The following SSBP4 variants were observed in gnomAD, a reference collection of about 807,000 sequenced individuals.
SSBP4 encodes the protein single-stranded DNA-binding protein 4.
SSBP4 carries 33 observed loss-of-function variants against 64.6 expected under a neutral mutation model. The observed-to-expected ratio is 0.51, with a 90% CI of 0.39 to 0.68. SSBP4 has a LOEUF of 0.68. Ranked by LOEUF, SSBP4 falls within the 30% of genes least tolerant of loss-of-function variation. The probability of loss-of-function intolerance (pLI) is 0.00; values close to 1 mark genes in which losing one functional copy is unlikely to be tolerated. For synonymous variants in SSBP4, 243 were observed against 224.0 expected (o/e 1.08, Z -0.76); for missense variants, 583 against 566.8 (o/e 1.03, Z -0.29).
At position 18,431,800 on chromosome 19, in the gene SSBP4, C is replaced by A; in HGVS notation, c.503C>A (p.Ala168Glu). Reference protein sequence around the residue: ...PTLRMPSQPPAGLPGSQPLLP... With the variant: ...PTLRMPSQPPEGLPGSQPLLP... ...GCCGCACCCCCTCCGCAGCCTCCCG[C>A]AGGCCTCCCTGGCTCCCAGCCCCTC... is the stretch of plus-strand genomic sequence containing the variant. The change falls in exon 8 of 18, where the codon GCA (alanine) becomes GAA (glutamate). Residue 168 changes from alanine (A) to glutamate (E), a missense_variant. Coordinates refer to ENST00000270061, the MANE Select transcript of SSBP4 (RefSeq NM_032627.5). 2 of 1,559,288 alleles carry A rather than the reference C, an allele frequency of 1.3e-6. No individual in the cohort carries two copies. The highest frequency in any genetic ancestry group is 2.3e-5 in the South Asian group (2 of 85,314).
intron 15 of SSBP4, 67 bp from the exon 16 acceptor site, chr19:18,433,518 C>T (rs531870471): frequency 1.8e-5 from 28 of 1,539,702 alleles, no homozygotes; most frequent in South Asian, 7.2e-5. Flanking sequence ...GGTCGTTGGC[C>T]CCTGGAGGCC....
chr19:18,421,231 C>T (rs1281721927), intron 1 of SSBP4, among the ~76,000 whole-genome samples: 2 of 152,228 alleles, frequency 1.3e-5, no homozygotes, highest in Admixed American at 6.5e-5. Context: ...AGGTGGTAGG[C>T]AAATGACTGC....
chr19:18,433,050 G>T lies in SSBP4; in HGVS notation c.912+7G>T, dbSNP rs367852021. The T allele has an allele frequency of 1.9e-6, 3 of 1,613,906 alleles. No individual in the cohort carries two copies. Among genetic ancestry groups the T allele is most frequent in the Non-Finnish European group, 1.7e-6 (2 of 1,180,008 alleles). On this transcript the variant is annotated splice_region_variant and intron_variant, in intron 14 of 17. Transcript: ENST00000270061. Reference sequence around the variant, plus strand: ...GGGCGCCGGCAGGGCTAATGTGAGTGGGGGCTTGCAGGGGTGCTTCTCGAG... The same window carrying T: ...GGGCGCCGGCAGGGCTAATGTGAGTTGGGGCTTGCAGGGGTGCTTCTCGAG...
rs1230779179 is a variant in SSBP4 at position 18,433,052 on chromosome 19, G to A, written c.912+9G>A. ...GCGCCGGCAGGGCTAATGTGAGTGG[G>A]GGCTTGCAGGGGTGCTTCTCGAGGC... On this transcript the variant is annotated intron_variant, in intron 14 of 17. Transcript: ENST00000270061. 9 of 1,614,004 alleles carry A rather than the reference G, an allele frequency of 5.6e-6. No homozygotes were observed. Among genetic ancestry groups the A allele is most frequent in the Non-Finnish European group, 6.8e-6 (8 of 1,180,006 alleles).
In SSBP4 at chr19:18,427,161, G is replaced by A. The variant is rs527616215; in HGVS notation, c.60-190G>A. On this transcript the variant is annotated intron_variant, in intron 1 of 17. Coordinates refer to ENST00000270061, the MANE Select transcript of SSBP4 (RefSeq NM_032627.5). The surrounding 1 kb of genome is among the most constrained non-coding windows in gnomAD (Gnocchi z 4.4). The stretch of plus-strand genomic sequence containing the variant: ...GGGAGCGTGGAACACAGCCGAATTC[G>A]GCCCGGAATTGGGGGTCACGGATGC... Among the ~76,000 whole-genome samples, 9 of 152,268 alleles carry A rather than the reference G, an allele frequency of 5.9e-5. No individual in the cohort carries two copies. The highest frequency in any genetic ancestry group is 2.6e-4 in the Admixed American group (4 of 15,306).
In SSBP4 at chr19:18,433,811, C is replaced by G. The variant is rs1388934262; in HGVS notation, c.1122C>G (p.Ser374Arg). 1 of 1,434,082 alleles carries G rather than the reference C, an allele frequency of 7.0e-7. No individual in the cohort carries two copies. The highest frequency in any genetic ancestry group is 9.1e-7 in the Non-Finnish European group (1 of 1,097,638). The allele number at this position is 1,434,082 out of a possible 1,614,324, so 88.8% of individuals were successfully genotyped here. The change falls in exon 17 of 18, where the codon AGC becomes AGG. Residue 374 changes from serine to arginine, a missense_variant. Ser to Arg is a moderately radical substitution (Grantham distance 110). Transcript: ENST00000270061. ...AAGTFLHPFP[S>R]ESYSPGMTMS... ...GGACCTTCCTGCACCCGTTCCCGAG[C>G]GAAAGCGTAAGCGACTGCGTCGACT...
chr19:18,429,500 C>T (rs1002563846), intron 4 of SSBP4, among the ~76,000 whole-genome samples: 7 of 151,332 alleles, frequency 4.6e-5, no homozygotes, highest in African/African-American at 1.7e-4. Flanking sequence ...GCGTCCCCGA[C>T]CAGGAAACGC....
chr19:18,432,106 C>A, intron 9 of SSBP4, 36 bp downstream of exon 9: 1 of 1,605,046 alleles, frequency 6.2e-7, no homozygotes, highest in Non-Finnish European at 8.5e-7. Flanking sequence ...GGCCTTCGGG[C>A]TGTCCCCGGT....
chr19:18,429,341 G>T (rs969792744), intron 4 of SSBP4, among the ~76,000 whole-genome samples: 1 of 152,068 alleles, frequency 6.6e-6, no homozygotes, highest in Non-Finnish European at 1.5e-5. Context: ...TGGCAACGCG[G>T]GCCGGGCCGG....
At chr19:18,431,496 G>A (rs1973377957) in intron 6 of SSBP4, 78 bp downstream of exon 6, 1 of 1,203,610 alleles carries the variant, frequency 8.3e-7, no homozygotes, top group Admixed American at 2.7e-5. Context: ...CTCAAGCCAT[G>A]AGGTCCTGGC....
At chr19:18,424,867 G>A (rs1040211243) in intron 1 of SSBP4, among the ~76,000 whole-genome samples, 1 of 151,642 alleles carries the variant, frequency 6.6e-6, no homozygotes, top group Non-Finnish European at 1.5e-5. Flanking sequence ...TGAGCAGGGA[G>A]GGGGAGAATG....
intron 5 of SSBP4, 34 bp downstream of exon 5, chr19:18,430,964 C>T: frequency 2.5e-6 from 4 of 1,605,358 alleles, no homozygotes; most frequent in Non-Finnish European, 3.4e-6. Flanking sequence ...TGGCCCCCAA[C>T]TCTGGCTGAA....
At chr19:18,433,297 T>G (rs1973627934) in intron 15 of SSBP4, 84 bp downstream of exon 15, 1 of 1,496,116 alleles carries the variant, frequency 6.7e-7, no homozygotes, top group Admixed American at 2.0e-5. Context: ...TCAGCCCGCC[T>G]GCCGGGTGGA....
Position 18,431,663 on chromosome 19 carries a change from G to T in SSBP4, c.452G>T (p.Arg151Leu). ...CTCTTCCAGCCCTTCATGTCACCGC[G>T]CTTCCCAGGGGGCCCCCGGCCCACC... ...GPHGQPFMSP[R>L]FPGGPRPTLR... Residue 151 changes from arginine (R) to leucine (L), a missense_variant, in exon 7 of 18, where the codon CGC becomes CTC. Arg to Leu is a moderately radical substitution (Grantham distance 102). Coordinates refer to ENST00000270061, the MANE Select transcript of SSBP4 (RefSeq NM_032627.5). 6.4e-7 allele frequency: 1 copy of T among 1,552,426 alleles called. No individual in the cohort carries two copies. Among genetic ancestry groups the T allele is most frequent in the Non-Finnish European group, 8.7e-7 (1 of 1,148,458 alleles).
At chr19:18,433,996 C>G (rs1973774475) in intron 17 of SSBP4, 179 bp downstream of exon 17, 1 of 1,218,264 alleles carries the variant, frequency 8.2e-7, no homozygotes, top group Non-Finnish European at 1.0e-6. Context: ...CACCACCTCC[C>G]GCTCCTATTT....
intron 6 of SSBP4, 25 bp downstream of exon 6, chr19:18,431,443 T>C: frequency 7.4e-7 from 1 of 1,342,320 alleles, no homozygotes; most frequent in South Asian, 1.3e-5. Flanking sequence ...TGCCTGCCCC[T>C]CACACACACA....
rs1214211894 is a variant in SSBP4 at position 18,434,202 on chromosome 19, C to T, written c.1129-15C>T. The T allele has an allele frequency of 6.2e-7, 1 of 1,611,462 alleles. No individual in the cohort carries two copies. The highest frequency in any genetic ancestry group is 1.3e-5 in the African/African-American group (1 of 74,846). On this transcript the variant is annotated splice_polypyrimidine_tract_variant and intron_variant, in intron 17 of 17. Transcript: ENST00000270061. ...GAACTCGGCCCCTGCGCGCTGCCCC[C>T]TCCTCTCTCCGCAGTACTCGCCAGG...
rs561368858 is a variant in SSBP4, at chr19:18,429,398, C to A, written c.279+1416C>A. Among the ~76,000 whole-genome samples, 158 of 150,502 alleles carry A rather than the reference C, an allele frequency of 1.0e-3. 1 individual carries two copies. Among genetic ancestry groups the A allele is most frequent in the Middle Eastern group, 6.8e-3 (2 of 292 alleles). On this transcript the variant is annotated intron_variant, in intron 4 of 17. Coordinates refer to ENST00000270061, the MANE Select transcript of SSBP4 (RefSeq NM_032627.5). The stretch of plus-strand genomic sequence containing the variant: ...CGTAGGGGGTCTGGCCCGGGCCAAC[C>A]GCCGGGGAGGGCGCGCCGCCCGGGA...
At chr19:18,431,921 C>G in intron 8 of SSBP4, 59 bp downstream of exon 8, 1 of 1,564,480 alleles carries the variant, frequency 6.4e-7, no homozygotes, top group Non-Finnish European at 8.7e-7. Context: ...GCTCTCAGAG[C>G]CCAGACCTTG....
Sources: gnomAD v4.1 joint callset for allele counts (sites outside exome capture counted in the v4.1 genomes callset) on GRCh38, gnomAD v4.1.1 for gene constraint, Gnocchi (gnomAD v3.1) non-coding constraint, MANE v1.5 for transcripts, NCBI Gene and HGNC (gene_info 2026-07-23, HGNC 2026-07-21) for gene names.